KCNH1: variants seen among roughly 807,000 people sequenced by gnomAD.
KCNH1 encodes potassium voltage-gated channel subfamily H member 1.
In KCNH1, 27 loss-of-function variants were observed where a neutral mutation model predicts 69.2. That is an observed-to-expected ratio of 0.39 (90% confidence interval 0.29 to 0.54). KCNH1 has a LOEUF of 0.54. Ranked by LOEUF, KCNH1 falls within the 20% of genes least tolerant of loss-of-function variation. KCNH1 has a pLI of 0.68. For synonymous variants in KCNH1, 456 were observed against 487.7 expected, an observed-to-expected ratio of 0.93 and a Z score of 0.86; for missense variants, 798 against 1,261.6, an observed-to-expected ratio of 0.63 and a Z score of 5.57.
Position 210,920,004 on chromosome 1 carries a change from A to G in KCNH1, c.1098T>C (p.Arg366=), listed in dbSNP as rs6679399. The G allele has an allele frequency of 3.1e-6, 5 of 1,614,166 alleles. No homozygotes were observed. Among genetic ancestry groups the G allele is most frequent in the Non-Finnish European group, 4.2e-6 (5 of 1,180,008 alleles). Residue 366 remains arginine, a synonymous_variant, in exon 7 of 11, where the codon CGT becomes CGC. Coordinates refer to ENST00000271751, the MANE Select transcript of KCNH1 (RefSeq NM_172362.3). The part of the protein sequence containing the change: ...VRLLRLGRVA[R]KLDHYIEYGA... ...CATATTCAATGTAGTGGTCCAGCTT[A>G]CGGGCCACTCGCCCAAGACGGAGCA...
Position 211,040,504 on chromosome 1 carries a change from G to C in KCNH1, c.559-21248C>G, listed in dbSNP as rs536323389. On this transcript the variant is annotated intron_variant, in intron 5 of 10. Transcript: ENST00000271751. Reference sequence around the variant, plus strand: ...TCTCTTGCTGCCACCATAGTAAGAAGTGCCTCTCACTTCCTGCCATGATTC... The same window carrying C: ...TCTCTTGCTGCCACCATAGTAAGAACTGCCTCTCACTTCCTGCCATGATTC... 1.4e-4 allele frequency among the ~76,000 whole-genome samples: 21 copies of C among 152,242 alleles called. 1 individual carries two copies. The South Asian group carries it at 4.4e-3, about 32-fold the overall frequency.
At position 211,016,922 on chromosome 1, in the gene KCNH1, A is replaced by AAAAAAAT. The variant is rs139001420; in HGVS notation, c.1032+1860_1032+1861insATTTTTT. Among the ~76,000 whole-genome samples the AAAAAAAT allele has an allele frequency of 4.1e-4, 60 of 146,570 alleles. 1 individual carries two copies. The highest frequency in any genetic ancestry group is 1.4e-3 in the African/African-American group (56 of 39,392). On this transcript the variant is annotated intron_variant, in intron 6 of 10. Transcript: ENST00000271751. ...AGACTCTGTCTCAAAAAAAAAAAAAATTTTAAAATTAAAAAAAAAAATTCT... is the reference window on the plus strand; with the variant it reads ...AGACTCTGTCTCAAAAAAAAAAAAAAAAAAAATTTTTAAAATTAAAAAAAAAAATTCT...
intron 1 of KCNH1, among the ~76,000 whole-genome samples, chr1:211,126,886 G>A (rs149831761): frequency 1.4e-3 from 220 of 152,102 alleles, no homozygotes; most frequent in Non-Finnish European, 2.1e-3. Flanking sequence ...AGAACAAAAT[G>A]TCACACATTC....
At position 210,718,651 on chromosome 1, in the gene KCNH1, TACACACACACAC is replaced by T. The variant is rs57407331; in HGVS notation, c.2113-34525_2113-34514del. 9.9e-3 allele frequency among the ~76,000 whole-genome samples: 751 copies of T among 75,552 alleles called. 46 individuals are homozygous for T. Among genetic ancestry groups the T allele is most frequent in the African/African-American group, 0.032 (682 of 21,286 alleles). 49.6% of individuals were successfully genotyped at this position (75,552 alleles called of 152,430 possible). The stretch of plus-strand genomic sequence containing the variant: ...ATAAATATATATATACATATATATA[TACACACACACAC>T]ACACACACACACACACACACACACA... On this transcript the variant is annotated intron_variant, in intron 10 of 10. Coordinates refer to ENST00000271751, the MANE Select transcript of KCNH1 (RefSeq NM_172362.3).
At chr1:210,900,667 G>A (rs921346113) in intron 7 of KCNH1, among the ~76,000 whole-genome samples, 6 of 152,122 alleles carry the variant, frequency 3.9e-5, no homozygotes, top group Admixed American at 6.5e-5. Context: ...CCAAGGTCAC[G>A]ATGGAACAAG....
At chr1:210,972,628 T>TGCAACAGAAAATGTCATTAGG (rs1450362511) in intron 6 of KCNH1, among the ~76,000 whole-genome samples, 2 of 152,098 alleles carry the variant, frequency 1.3e-5, no homozygotes, top group Non-Finnish European at 2.9e-5. Context: ...CATTTCTCAT[T>TGCAACAGAAAATGTCATTAGG]GCAACAGAAA....
intron 6 of KCNH1, among the ~76,000 whole-genome samples, chr1:210,998,250 T>C (rs1260250558): frequency 5.3e-5 from 8 of 152,272 alleles, no homozygotes; most frequent in Admixed American, 3.9e-4. Context: ...TATCAGTGTG[T>C]TGTATTCAGG....
chr1:210,856,899 A>ATATATATATAT (rs57245090), intron 7 of KCNH1, among the ~76,000 whole-genome samples: 6 of 121,754 alleles, frequency 4.9e-5, no homozygotes, highest in East Asian at 2.9e-4. Flanking sequence ...ATATATATAT[A>ATATATATATAT]AAATACTCAT....
chr1:210,999,007 CA>C (rs1250179342), intron 6 of KCNH1, among the ~76,000 whole-genome samples: 1 of 152,160 alleles, frequency 6.6e-6, no homozygotes, highest in African/African-American at 2.4e-5. Flanking sequence ...GGGACACATT[CA>C]AAGCAGTGTG....
chr1:210,859,104 T>C, intron 7 of KCNH1: 1 of 941,470 alleles, frequency 1.1e-6, no homozygotes, highest in Non-Finnish European at 1.7e-6. Flanking sequence ...CATGAACCAG[T>C]TCTAGAACCA....
rs80185353 is a variant in KCNH1, at chr1:211,034,065, T to C, written c.559-14809A>G. The stretch of plus-strand genomic sequence containing the variant: ...CTAAATATGCAACTACCATATGACC[T>C]AGCAATTACACTCCTGGGCATTTAT... On this transcript the variant is annotated intron_variant, in intron 5 of 10. Coordinates refer to ENST00000271751, the MANE Select transcript of KCNH1 (RefSeq NM_172362.3). Among the ~76,000 whole-genome samples, 973 of 152,304 alleles carry C rather than the reference T, an allele frequency of 6.4e-3. 3 individuals are homozygous for C. The highest frequency in any genetic ancestry group is 0.011 in the Non-Finnish European group (771 of 68,030).
chr1:210,892,778 C>T (rs1686775971), intron 7 of KCNH1, among the ~76,000 whole-genome samples: 1 of 152,148 alleles, frequency 6.6e-6, no homozygotes, highest in Non-Finnish European at 1.5e-5. Flanking sequence ...CCAGGCAAAG[C>T]CCTTTCTGTC....
At chr1:210,728,500 G>C (rs928766876) in intron 10 of KCNH1, among the ~76,000 whole-genome samples, 1 of 152,142 alleles carries the variant, frequency 6.6e-6, no homozygotes. Flanking sequence ...TAGAATTAAC[G>C]TTTTGCCTTG....
intron 4 of KCNH1, among the ~76,000 whole-genome samples, chr1:211,086,990 G>A (rs1690963760): frequency 6.6e-6 from 1 of 152,098 alleles, no homozygotes; most frequent in Non-Finnish European, 1.5e-5. Context: ...CAAAAATCTA[G>A]AATGGCTTCC....
At chr1:211,128,518 G>T (rs978172724) in intron 1 of KCNH1, among the ~76,000 whole-genome samples, 2 of 152,076 alleles carry the variant, frequency 1.3e-5, no homozygotes, top group African/African-American at 4.8e-5. Flanking sequence ...AAAATCAGGA[G>T]ATGTCACCCT....
At chr1:210,946,591 C>G (rs1355621548) in intron 6 of KCNH1, among the ~76,000 whole-genome samples, 2 of 152,158 alleles carry the variant, frequency 1.3e-5, no homozygotes, top group Non-Finnish European at 2.9e-5. Context: ...TCACAATAAA[C>G]AAGGGAAAAA....
intron 5 of KCNH1, among the ~76,000 whole-genome samples, chr1:211,032,111 C>A (rs902140020): frequency 3.3e-5 from 5 of 152,034 alleles, no homozygotes; most frequent in African/African-American, 1.2e-4. Flanking sequence ...TTCTTATACA[C>A]CAATAACAGA....
chr1:210,888,273 A>G (rs1169681227), intron 7 of KCNH1, among the ~76,000 whole-genome samples: 2 of 152,046 alleles, frequency 1.3e-5, no homozygotes, highest in Admixed American at 1.3e-4. Context: ...ACCACAAAAC[A>G]ATATGGAAAC....
chr1:211,049,825 T>G (rs921772388), intron 5 of KCNH1, among the ~76,000 whole-genome samples: 2 of 152,176 alleles, frequency 1.3e-5, no homozygotes, highest in East Asian at 3.9e-4. Context: ...CAATCCACTA[T>G]GGCCAGAATG....
Sources: allele counts gnomAD v4.1 joint callset (sites outside exome capture counted in the v4.1 genomes callset), GRCh38; gene constraint gnomAD v4.1.1; transcripts MANE v1.5; gene names NCBI Gene and HGNC (gene_info 2026-07-23, HGNC 2026-07-21).